The following TAFA4 variants were observed in gnomAD, a reference collection of about 807,000 sequenced individuals.
TAFA4 encodes the protein TAFA chemokine like family member 4.
Under a neutral mutation model 21.1 loss-of-function variants are expected in TAFA4, and 20 were observed. The observed-to-expected ratio is 0.95, with a 90% CI of 0.67 to 1.38. The LOEUF (loss-of-function observed/expected upper bound fraction) is 1.38. TAFA4 is among the 40% of genes most tolerant of loss of function. TAFA4 has a pLI of 0.00. For synonymous variants in TAFA4, 71 were observed against 67.4 expected (o/e 1.05, Z -0.26); for missense variants, 211 against 180.9 (o/e 1.17, Z -0.95).
Position 68,880,739 on chromosome 3 carries a change from C to A in TAFA4, c.121G>T (p.Gly41Ter). 6.2e-7 allele frequency: 1 copy of A among 1,613,912 alleles called. No individual in the cohort carries two copies. The highest frequency in any genetic ancestry group is 8.5e-7 in the Non-Finnish European group (1 of 1,179,922). The change falls in exon 3 of 6, where the codon GGA (glycine) becomes TGA (stop). Residue 41 changes from glycine (G) to a stop codon, truncating the protein, a stop_gained. Coordinates refer to ENST00000295569, the MANE Select transcript of TAFA4 (RefSeq NM_182522.5). LOFTEE classifies it high-confidence loss of function. Reference sequence around the variant, plus strand: ...AGCTTAAAGGGCTTACCTGCATGTCCCCGGAGGTGCTGGCTTGAGGCGGAC... The same window carrying A: ...AGCTTAAAGGGCTTACCTGCATGTCACCGGAGGTGCTGGCTTGAGGCGGAC... ...LMSASSQHLR[G>*]HAGHHQIKQG...
Position 68,739,130 on chromosome 3 carries a change from A to G in TAFA4, c.356T>C (p.Leu119Pro). 1 of 1,614,050 alleles carries G rather than the reference A, an allele frequency of 6.2e-7. No individual in the cohort carries two copies. The change falls in exon 5 of 6, where the codon CTG becomes CCG. Residue 119 changes from leucine to proline, a missense_variant. Transcript: ENST00000295569. ...PCLEGEDCKVLPDYSGWSCSS... is the reference protein window; with the variant it reads ...PCLEGEDCKVPPDYSGWSCSS... ...ACAGGACCAACCTGAGTAATCTGGC[A>G]GCACTTTACAATCCTCTCCTTCCAA...
chr3:68,919,850 A>C (rs975924494), intron 1 of TAFA4, among the ~76,000 whole-genome samples: 15 of 152,200 alleles, frequency 9.9e-5, no homozygotes, highest in Non-Finnish European at 1.6e-4. Context: ...GACTTTCTGC[A>C]GTCCCCACGT....
rs531269356 is a variant in TAFA4 at position 68,920,448 on chromosome 3, A to G, written c.-123+11792T>C. On this transcript the variant is annotated intron_variant, in intron 1 of 5. Coordinates refer to ENST00000295569, the MANE Select transcript of TAFA4 (RefSeq NM_182522.5). ...GTTGGCATTGATACAAATCAACTTC[A>G]AATGATAAGAGAGAATCTACCAGGT... Among the ~76,000 whole-genome samples the G allele has an allele frequency of 1.1e-3, 175 of 152,222 alleles. 1 individual carries two copies. Among genetic ancestry groups the G allele is most frequent in the Non-Finnish European group, 2.1e-3 (140 of 68,034 alleles).
intron 3 of TAFA4, among the ~76,000 whole-genome samples, chr3:68,788,568 C>A (rs2106808863): frequency 6.6e-6 from 1 of 152,220 alleles, no homozygotes; most frequent in Non-Finnish European, 1.5e-5. Flanking sequence ...GAGCTTTTCA[C>A]CTATGTTTTC....
chr3:68,790,826 T>C (rs1156331238), intron 3 of TAFA4, among the ~76,000 whole-genome samples: 5 of 152,156 alleles, frequency 3.3e-5, no homozygotes, highest in African/African-American at 1.2e-4. Flanking sequence ...AGGAAGCAAG[T>C]CTCAGGAACC....
chr3:68,786,149 T>C (rs1418712363), intron 3 of TAFA4, among the ~76,000 whole-genome samples: 1 of 152,218 alleles, frequency 6.6e-6, no homozygotes, highest in Non-Finnish European at 1.5e-5. Flanking sequence ...CTCTACTTTG[T>C]GTTTTTTTAA....
intron 3 of TAFA4, among the ~76,000 whole-genome samples, chr3:68,796,163 C>A (rs925606392): frequency 3.9e-5 from 6 of 152,132 alleles, no homozygotes; most frequent in African/African-American, 1.2e-4. Context: ...AAACTCAGGG[C>A]AAGTTCTATA....
chr3:68,932,506 A>T lies in TAFA4; in HGVS notation c.-389T>A, dbSNP rs1273145614. ...GATGTTTGCCCGCAGCCGCGCGCGC[A>T]GTCGGTGCGCCCCGTCCAGGGCGGC... On this transcript the variant is annotated 5_prime_UTR_variant, in exon 1 of 6. Coordinates refer to ENST00000295569, the MANE Select transcript of TAFA4 (RefSeq NM_182522.5). 1.3e-5 allele frequency: 2 copies of T among 152,212 alleles called. No individual in the cohort carries two copies. The highest frequency in any genetic ancestry group is 2.9e-5 in the Non-Finnish European group (2 of 68,084). The allele number at this position is 152,212 out of a possible 1,614,324, so 9.4% of individuals were successfully genotyped here.
At chr3:68,767,833 A>G (rs1702885463) in intron 3 of TAFA4, among the ~76,000 whole-genome samples, 2 of 152,082 alleles carry the variant, frequency 1.3e-5, no homozygotes, top group Non-Finnish European at 2.9e-5. Flanking sequence ...GCACACACAT[A>G]TATGCATACA....
intron 3 of TAFA4, among the ~76,000 whole-genome samples, chr3:68,792,439 G>C (rs1703379260): frequency 6.6e-6 from 1 of 152,092 alleles, no homozygotes; most frequent in Admixed American, 6.6e-5. Context: ...ATATGACCTA[G>C]GTGTTCTGAT....
intron 3 of TAFA4, among the ~76,000 whole-genome samples, chr3:68,791,357 G>A (rs1420669723): frequency 2.0e-5 from 3 of 151,732 alleles, no homozygotes; most frequent in Admixed American, 6.6e-5. Context: ...AATGGAGGCC[G>A]AGATTGAAGT....
chr3:68,746,051 G>C (rs1349665522), intron 4 of TAFA4, among the ~76,000 whole-genome samples: 1 of 152,182 alleles, frequency 6.6e-6, no homozygotes, highest in African/African-American at 2.4e-5. Context: ...CAGAGGAGCA[G>C]ATCTTTCTCC....
At chr3:68,842,535 C>G (rs1350124820) in intron 3 of TAFA4, among the ~76,000 whole-genome samples, 5 of 152,170 alleles carry the variant, frequency 3.3e-5, no homozygotes, top group Non-Finnish European at 7.4e-5. Flanking sequence ...TGTGCAGAAG[C>G]TTTTTAGTTT....
At chr3:68,909,144 A>G (rs1304715520) in intron 1 of TAFA4, among the ~76,000 whole-genome samples, 1 of 152,224 alleles carries the variant, frequency 6.6e-6, no homozygotes, top group Admixed American at 6.5e-5. Flanking sequence ...GCCATATGCC[A>G]AATGGTGGAA....
chr3:68,913,710 A>G (rs2089980429), intron 1 of TAFA4: 1 of 152,092 alleles, frequency 6.6e-6, no homozygotes, highest in Admixed American at 6.5e-5. Flanking sequence ...AATGAGAACC[A>G]TTTGGAGAAA....
intron 3 of TAFA4, among the ~76,000 whole-genome samples, chr3:68,862,025 C>G (rs1484454767): frequency 6.6e-6 from 1 of 152,024 alleles, no homozygotes; most frequent in Non-Finnish European, 1.5e-5. Flanking sequence ...TTTTCCTCTT[C>G]TCCCTTTTTT....
At chr3:68,920,999 C>T (rs2090056097) in intron 1 of TAFA4, among the ~76,000 whole-genome samples, 2 of 152,120 alleles carry the variant, frequency 1.3e-5, no homozygotes, top group African/African-American at 2.4e-5. Flanking sequence ...GGGTTGAGTG[C>T]TGGGGGGACA....
At chr3:68,754,358 A>C (rs1702619610) in intron 3 of TAFA4, among the ~76,000 whole-genome samples, 1 of 152,212 alleles carries the variant, frequency 6.6e-6, no homozygotes, top group Non-Finnish European at 1.5e-5. Flanking sequence ...CTTTATTCAG[A>C]AACTCCTCCT....
intron 1 of TAFA4, among the ~76,000 whole-genome samples, chr3:68,905,964 G>T (rs2089896876): frequency 6.6e-6 from 1 of 152,204 alleles, no homozygotes; most frequent in Non-Finnish European, 1.5e-5. Flanking sequence ...TGTTAACTGG[G>T]CCTAAACCGA....
Sources: allele counts gnomAD v4.1 joint callset (sites outside exome capture counted in the v4.1 genomes callset), GRCh38; gene constraint gnomAD v4.1.1; transcripts MANE v1.5; gene names NCBI Gene and HGNC (gene_info 2026-07-23, HGNC 2026-07-21).